Variants in CDH13 observed in about 807,000 individuals in gnomAD.
The protein encoded by CDH13 is cadherin-13.
Under a neutral mutation model 63.8 loss-of-function variants are expected in CDH13, and 24 were observed. The observed-to-expected ratio is 0.38, with a 90% confidence interval of 0.27 to 0.53. The LOEUF is 0.53. Ranked by LOEUF, CDH13 falls within the 20% of genes least tolerant of loss-of-function variation. The pLI is 0.85. For missense variants in CDH13, 1,049 were observed against 903.1 expected (o/e 1.16, Z -2.07); for synonymous variants, 503 against 355.3 (o/e 1.42, Z -4.67).
At position 83,056,244 on chromosome 16, in the gene CDH13, A is replaced by C. The variant is rs551762946; in HGVS notation, c.366+24026A>C. 2.0e-5 allele frequency among the ~76,000 whole-genome samples: 3 copies of C among 152,298 alleles called. No homozygotes were observed. The East Asian group carries it at 5.8e-4, about 29-fold the overall frequency. On this transcript the variant is annotated intron_variant, in intron 3 of 13. Transcript: ENST00000567109. ...AATAGCAAGGACGTGTGGCAATCAG[A>C]ATTCTCACACACTGTAAAGCTGAAC...
chr16:83,405,787 A>T (rs906650709), intron 6 of CDH13, among the ~76,000 whole-genome samples: 2 of 152,228 alleles, frequency 1.3e-5, no homozygotes, highest in South Asian at 4.1e-4. Flanking sequence ...CTCCCAAATT[A>T]GGTTTACAAG....
chr16:83,271,753 G>GA (rs1378036182), intron 5 of CDH13, among the ~76,000 whole-genome samples: 3 of 151,896 alleles, frequency 2.0e-5, no homozygotes, highest in African/African-American at 7.3e-5. Context: ...TATTTATTTA[G>GA]GATAATTAGA....
intron 7 of CDH13, among the ~76,000 whole-genome samples, chr16:83,516,982 A>T (rs572837653): frequency 2.6e-5 from 4 of 152,288 alleles, no homozygotes; most frequent in African/African-American, 9.6e-5. Context: ...GAAATCAGTG[A>T]GTGTAAGAAA....
chr16:83,686,476 A>G (rs552400333), intron 10 of CDH13, among the ~76,000 whole-genome samples: 6 of 152,360 alleles, frequency 3.9e-5, no homozygotes, highest in African/African-American at 1.4e-4. Flanking sequence ...AGAAAGCAGC[A>G]AAATTGAAAT....
chr16:83,781,134 T>C (rs1287036548), intron 12 of CDH13, among the ~76,000 whole-genome samples: 2 of 152,134 alleles, frequency 1.3e-5, no homozygotes, highest in Non-Finnish European at 2.9e-5. Context: ...AAGCAATGTC[T>C]CCTCCCACAA....
intron 8 of CDH13, among the ~76,000 whole-genome samples, chr16:83,629,340 C>T (rs562710309): frequency 6.6e-6 from 1 of 152,150 alleles, no homozygotes; most frequent in Non-Finnish European, 1.5e-5. Flanking sequence ...CATATCTAGC[C>T]AAGAAAAATT....
chr16:82,683,073 G>A (rs1214367725), intron 1 of CDH13, among the ~76,000 whole-genome samples: 2 of 152,186 alleles, frequency 1.3e-5, no homozygotes, highest in Admixed American at 1.3e-4. Context: ...AGTGTTCTCA[G>A]CTTAAAACTA....
chr16:83,473,433 T>G (rs1456035199), intron 6 of CDH13, among the ~76,000 whole-genome samples: 2 of 152,218 alleles, frequency 1.3e-5, no homozygotes, highest in African/African-American at 4.8e-5. Flanking sequence ...CTGGCTCATT[T>G]GTATCTTGTA....
intron 6 of CDH13, among the ~76,000 whole-genome samples, chr16:83,460,478 C>G (rs1263848338): frequency 6.6e-6 from 1 of 152,156 alleles, no homozygotes; most frequent in Non-Finnish European, 1.5e-5. Context: ...CCTACATGCT[C>G]ATTGATGGAA....
At chr16:82,951,385 A>G (rs1412591280) in intron 2 of CDH13, among the ~76,000 whole-genome samples, 1 of 152,220 alleles carries the variant, frequency 6.6e-6, no homozygotes, top group African/African-American at 2.4e-5. Context: ...CTGGAGGTAT[A>G]GATACAAGAA....
At chr16:83,505,471 T>G (rs1438092714) in intron 7 of CDH13, among the ~76,000 whole-genome samples, 2 of 151,922 alleles carry the variant, frequency 1.3e-5, no homozygotes, top group Admixed American at 6.6e-5. Flanking sequence ...GGGAACACAT[T>G]TAGTAAACTC....
intron 1 of CDH13, among the ~76,000 whole-genome samples, chr16:82,849,688 G>A (rs890050787): frequency 6.6e-6 from 1 of 152,196 alleles, no homozygotes; most frequent in African/African-American, 2.4e-5. Context: ...TTCATAGCTA[G>A]AGAGAAGAAG....
chr16:83,482,945 C>T (rs554862485), intron 6 of CDH13, among the ~76,000 whole-genome samples: 1 of 152,178 alleles, frequency 6.6e-6, no homozygotes, highest in East Asian at 1.9e-4. Flanking sequence ...ATAATTGGCT[C>T]AGAACCCAGG....
intron 6 of CDH13, among the ~76,000 whole-genome samples, chr16:83,444,850 G>GTTCCC (rs2072623362): frequency 0.079 from 16 of 202 alleles, no homozygotes; most frequent in Non-Finnish European, 0.33. Flanking sequence ...CCCCAAATCA[G>GTTCCC]CAAATCAGCA....
chr16:82,779,368 G>C (rs548678680), intron 1 of CDH13, among the ~76,000 whole-genome samples: 76 of 152,170 alleles, frequency 5.0e-4, no homozygotes, highest in Non-Finnish European at 9.4e-4. Flanking sequence ...AAAGAGCAGA[G>C]GCCGCTTTGA....
intron 3 of CDH13, among the ~76,000 whole-genome samples, chr16:83,103,168 G>A (rs1473994020): frequency 1.3e-5 from 2 of 148,816 alleles, no homozygotes; most frequent in Admixed American, 6.8e-5. Context: ...GGCTAGGCTG[G>A]TCTCAAACTC....
At chr16:82,800,449 C>A (rs1354287166) in intron 1 of CDH13, among the ~76,000 whole-genome samples, 1 of 152,072 alleles carries the variant, frequency 6.6e-6, no homozygotes, top group Admixed American at 6.6e-5. Context: ...AACTTGGGAT[C>A]TATGGAACAG....
chr16:83,697,435 C>T (rs773185798), intron 10 of CDH13, among the ~76,000 whole-genome samples: 2 of 152,228 alleles, frequency 1.3e-5, no homozygotes, highest in South Asian at 2.1e-4. Context: ...CAGAAGGCTG[C>T]GCCATGCCTT....
rs977422550 is a variant in CDH13 at position 82,789,897 on chromosome 16, A to G, written c.46-68465A>G. Among the ~76,000 whole-genome samples the G allele has an allele frequency of 2.6e-5, 4 of 152,050 alleles. No individual in the cohort carries two copies. In the East Asian group the frequency reaches 5.8e-4, roughly 22 times the overall value. ...AGGCATTGTGGGCACGCTCCTGCGGAGGAAGAATCAGGGTGGTGAGGCAAT... is the reference window on the plus strand; with the variant it reads ...AGGCATTGTGGGCACGCTCCTGCGGGGGAAGAATCAGGGTGGTGAGGCAAT... On this transcript the variant is annotated intron_variant, in intron 1 of 13. Coordinates refer to ENST00000567109, the MANE Select transcript of CDH13 (RefSeq NM_001257.5).
Sources: allele counts gnomAD v4.1 joint callset (sites outside exome capture counted in the v4.1 genomes callset), GRCh38; gene constraint gnomAD v4.1.1; transcripts MANE v1.5; gene names NCBI Gene and HGNC (gene_info 2026-07-23, HGNC 2026-07-21).